Variants in FMN1 observed in about 807,000 individuals in gnomAD.
The protein encoded by FMN1 is formin 1, also known as formin-1.
Under a neutral mutation model 132.4 loss-of-function variants are expected in FMN1, and 110 were observed. The ratio of observed to expected loss-of-function variants is 0.83; its 90% CI spans 0.71 to 0.97. FMN1 has a LOEUF of 0.97. FMN1 is among the 50% of genes least tolerant of loss of function. The pLI is 0.00. For synonymous variants in FMN1, 722 were observed against 651.7 expected, an observed-to-expected ratio of 1.11 and a Z score of -1.64; for missense variants, 1,792 against 1,705.3, an observed-to-expected ratio of 1.05 and a Z score of -0.90.
At chr15:33,133,634 C>T (rs575826268) in intron 4 of FMN1, among the ~76,000 whole-genome samples, 1 of 152,312 alleles carries the variant, frequency 6.6e-6, no homozygotes, top group East Asian at 1.9e-4. Flanking sequence ...CTAATGATAA[C>T]TGTAAGTATG....
At chr15:33,172,125 G>T (rs1046096955) in intron 3 of FMN1, among the ~76,000 whole-genome samples, 1 of 151,800 alleles carries the variant, frequency 6.6e-6, no homozygotes, top group Non-Finnish European at 1.5e-5. Flanking sequence ...GGACAATGGC[G>T]TGAACCTGGA....
In FMN1 at chr15:33,046,925, C is replaced by T. The variant is rs540686700; in HGVS notation, c.2161+18032G>A. ...TAAGGAAGAATACCGTAGGATAAAACATGGGCTTAGAACCTCATAAACCCG... is the reference window on the plus strand; with the variant it reads ...TAAGGAAGAATACCGTAGGATAAAATATGGGCTTAGAACCTCATAAACCCG... On this transcript the variant is annotated intron_variant, in intron 6 of 20. Coordinates refer to ENST00000616417, the MANE Select transcript of FMN1 (RefSeq NM_001277313.2). Among the ~76,000 whole-genome samples, 46 of 152,296 alleles carry T rather than the reference C, an allele frequency of 3.0e-4. 1 individual carries two copies. In the South Asian group the frequency reaches 4.3e-3, roughly 14 times the overall value.
chr15:33,012,029 T>C (rs1294104919), intron 6 of FMN1: 3 of 294,478 alleles, frequency 1.0e-5, no homozygotes, highest in African/African-American at 4.3e-5. Context: ...ATCCTAACCT[T>C]AGGCATACAT....
At chr15:32,995,270 C>G (rs1484312563) in intron 7 of FMN1, among the ~76,000 whole-genome samples, 1 of 152,028 alleles carries the variant, frequency 6.6e-6, no homozygotes, top group African/African-American at 2.4e-5. Context: ...TATGAAATTG[C>G]CACAATCAGA....
chr15:32,918,736 T>A (rs1423199525), intron 10 of FMN1, among the ~76,000 whole-genome samples: 2 of 152,184 alleles, frequency 1.3e-5, no homozygotes, highest in African/African-American at 4.8e-5. Context: ...CTGCTTCTGT[T>A]CGTCCATTAG....
At position 33,088,786 on chromosome 15, in the gene FMN1, G is replaced by C; in HGVS notation, c.2043+13C>G. 1 of 1,532,986 alleles carries C rather than the reference G, an allele frequency of 6.5e-7. No homozygotes were observed. Among genetic ancestry groups the C allele is most frequent in the Admixed American group, 2.0e-5 (1 of 50,628 alleles). The allele number at this position is 1,532,986 out of a possible 1,614,324, so 95.0% of individuals were successfully genotyped here. A position where few individuals can be genotyped will look rare whatever the true frequency, so the allele number is the denominator to read the frequency against. On this transcript the variant is annotated intron_variant, in intron 5 of 20. Coordinates refer to ENST00000616417, the MANE Select transcript of FMN1 (RefSeq NM_001277313.2). ...CAAAGAACCACAGCACAATCACCAA[G>C]ATTTCTACTTACATGGAGATCCAAG... is the stretch of plus-strand genomic sequence containing the variant.
intron 16 of FMN1, among the ~76,000 whole-genome samples, chr15:32,857,577 A>G (rs764938509): frequency 6.6e-6 from 1 of 152,202 alleles, no homozygotes; most frequent in Non-Finnish European, 1.5e-5. Context: ...GTGATTGGCC[A>G]GGGTGACACA....
At chr15:33,006,587 C>G (rs1016903537) in intron 7 of FMN1, among the ~76,000 whole-genome samples, 3 of 152,114 alleles carry the variant, frequency 2.0e-5, no homozygotes, top group Non-Finnish European at 1.5e-5. Flanking sequence ...TATCTACACT[C>G]TCATGTTGAC....
In FMN1 at chr15:32,938,117, C is replaced by T. The variant is rs184569460; in HGVS notation, c.3139-11856G>A. On this transcript the variant is annotated intron_variant, in intron 9 of 20. Transcript: ENST00000616417. ...TGCACTTTTTTTTTTCACTGTGTAG[C>T]GTGTTTTTTTCACGTAGAAACACAT... Among the ~76,000 whole-genome samples the T allele has an allele frequency of 2.3e-4, 35 of 151,830 alleles. No individual in the cohort carries two copies. The East Asian group carries it at 4.1e-3, about 18-fold the overall frequency.
At chr15:32,979,891 A>G (rs970658450) in intron 7 of FMN1, among the ~76,000 whole-genome samples, 1 of 152,204 alleles carries the variant, frequency 6.6e-6, no homozygotes, top group African/African-American at 2.4e-5. Flanking sequence ...CAAGTAAGCA[A>G]GGAGGTATTT....
Position 32,856,858 on chromosome 15 carries a change from C to T in FMN1, c.3928+157G>A, listed in dbSNP as rs8034124. On this transcript the variant is annotated intron_variant, in intron 17 of 20. Transcript: ENST00000616417. The stretch of plus-strand genomic sequence containing the variant: ...AAAGCTACAGGACAACTTTATCTAC[C>T]GTGAGTATGTAACCACCATGGAAAG... 0.097 allele frequency among the ~76,000 whole-genome samples: 14,787 copies of T among 152,182 alleles called. 791 individuals carry two copies. The highest frequency in any genetic ancestry group is 0.14 in the Middle Eastern group (42 of 294).
chr15:32,900,108 C>T lies in FMN1; in HGVS notation c.3525G>A (p.Lys1175=), dbSNP rs759878076. 1 of 1,613,850 alleles carries T rather than the reference C, an allele frequency of 6.2e-7. No homozygotes were observed. Among genetic ancestry groups the T allele is most frequent in the Non-Finnish European group, 8.5e-7 (1 of 1,179,874 alleles). Residue 1175 remains lysine (K), a synonymous_variant, in exon 14 of 21, where the codon AAG becomes AAA. Transcript: ENST00000616417. ...TRASKDLLHV[K]SVKDILALIL... ...TGAGAGCTAAAATATCCTTCACGCT[C>T]TTCACGTGCAGCAAGTCCTGTGATG...
At chr15:32,787,090 G>A (rs1334075255) in intron 19 of FMN1, among the ~76,000 whole-genome samples, 2 of 152,068 alleles carry the variant, frequency 1.3e-5, no homozygotes, top group African/African-American at 2.4e-5. Flanking sequence ...CATAACTATC[G>A]CACGAGGTTA....
rs537908685 is a variant in FMN1, at chr15:33,073,689, A to C, written c.2044-8615T>G. The stretch of plus-strand genomic sequence containing the variant: ...ATTTGGGTAGAATCCAGTTGTTGTA[A>C]GGTTGAATGGGACCTTAGAAATAGT... On this transcript the variant is annotated intron_variant, in intron 5 of 20. Transcript: ENST00000616417. 1.1e-4 allele frequency among the ~76,000 whole-genome samples: 17 copies of C among 152,026 alleles called. No homozygotes were observed. The East Asian group carries it at 3.3e-3, about 30-fold the overall frequency.
In FMN1 at chr15:32,770,098, C is replaced by A. The variant is rs888529024; in HGVS notation, c.*4212G>T. Reference sequence around the variant, plus strand: ...ACTTCTTCCTTTTTGTCATATAAAGCTCCAAATTGATTTTATCTTTGTTGT... The same window carrying A: ...ACTTCTTCCTTTTTGTCATATAAAGATCCAAATTGATTTTATCTTTGTTGT... On this transcript the variant is annotated 3_prime_UTR_variant, in exon 21 of 21. Transcript: ENST00000616417. 6.6e-6 allele frequency: 1 copy of A among 152,102 alleles called. No individual in the cohort carries two copies. Among genetic ancestry groups the A allele is most frequent in the Admixed American group, 6.5e-5 (1 of 15,270 alleles). The allele number at this position is 152,102 out of a possible 1,614,324, so 9.4% of individuals were successfully genotyped here. A position where few individuals can be genotyped will look rare whatever the true frequency, so the allele number is the denominator to read the frequency against.
chr15:32,772,392 A>G lies in FMN1; in HGVS notation c.*1918T>C, dbSNP rs893536874. The G allele has an allele frequency of 6.6e-6, 1 of 152,194 alleles. No homozygotes were observed. Among genetic ancestry groups the G allele is most frequent in the African/African-American group, 2.4e-5 (1 of 41,454 alleles). The allele number at this position is 152,194 out of a possible 1,614,324, so 9.4% of individuals were successfully genotyped here. ...AGCTGAATTATATGGCATGGGTAAA[A>G]CTGGCACTTTTCTTGTGCATGATAA... On this transcript the variant is annotated 3_prime_UTR_variant, in exon 21 of 21. Coordinates refer to ENST00000616417, the MANE Select transcript of FMN1 (RefSeq NM_001277313.2).
chr15:33,039,565 TA>T (rs576824369), intron 6 of FMN1, among the ~76,000 whole-genome samples: 173 of 152,290 alleles, frequency 1.1e-3, no homozygotes, highest in African/African-American at 4.1e-3. Context: ...GGATAAACTA[TA>T]AAAATAATAA....
chr15:33,135,884 G>T lies in FMN1; in HGVS notation c.1867+17164C>A, dbSNP rs1963744771. On this transcript the variant is annotated intron_variant, in intron 4 of 20. Transcript: ENST00000616417. ...ATAGAGTATACAATTGGCTGATTAT[G>T]TTTTGGTCTTCACCCTTCTAGAATG... Among the ~76,000 whole-genome samples, 2 of 152,184 alleles carry T rather than the reference G, an allele frequency of 1.3e-5. 1 individual carries two copies. Among genetic ancestry groups the T allele is most frequent in the South Asian group, 4.1e-4 (2 of 4,830 alleles).
intron 4 of FMN1, among the ~76,000 whole-genome samples, chr15:33,115,271 G>A (rs11072234): frequency 0.32 from 47,936 of 152,056 alleles, 9,346 homozygotes; most frequent in South Asian, 0.42. Flanking sequence ...GAGGCTAGGA[G>A]TCACAATGGG....
Sources: gnomAD v4.1 joint callset for allele counts (sites outside exome capture counted in the v4.1 genomes callset) on GRCh38, gnomAD v4.1.1 for gene constraint, MANE v1.5 for transcripts, NCBI Gene and HGNC (gene_info 2026-07-23, HGNC 2026-07-21) for gene names.